MFAP5: variants seen among roughly 807,000 people sequenced by gnomAD.
MFAP5 encodes the protein microfibril associated protein 5.
A neutral mutation model predicts 30.1 loss-of-function variants in MFAP5; 19 were observed. The observed-to-expected ratio is 0.63, with a 90% CI of 0.44 to 0.93. The LOEUF (loss-of-function observed/expected upper bound fraction) is 0.93. MFAP5 is among the 40% of genes least tolerant of loss of function. MFAP5 has a pLI of 0.00. For missense variants in MFAP5, 210 were observed against 221.3 expected, an observed-to-expected ratio of 0.95 and a Z score of 0.32; for synonymous variants, 92 against 72.9, an observed-to-expected ratio of 1.26 and a Z score of -1.33.
At position 8,651,696 on chromosome 12, in the gene MFAP5, A is replaced by G. The variant is rs1211661011; in HGVS notation, c.218-5T>C. The G allele has an allele frequency of 6.2e-7, 1 of 1,613,596 alleles. No individual in the cohort carries two copies. The highest frequency in any genetic ancestry group is 1.7e-5 in the Admixed American group (1 of 60,018). On this transcript the variant is annotated splice_polypyrimidine_tract_variant and splice_region_variant and intron_variant, in intron 6 of 9. Coordinates refer to ENST00000359478, the MANE Select transcript of MFAP5 (RefSeq NM_003480.4). ...TATTTTTTTCACTGAGGGAGGCTGA[A>G]AGGCAGAAATTTTATTCCACTGTTA... is the stretch of plus-strand genomic sequence containing the variant.
chr12:8,654,126 C>CA (rs61055144), intron 6 of MFAP5: 6,455 of 113,224 alleles, frequency 0.057, 5 homozygotes, highest in Middle Eastern at 0.13. Flanking sequence ...TAATCCGTCT[C>CA]AAAAAAAAAA....
chr12:8,648,799 T>C (rs1941753874), intron 9 of MFAP5, among the ~76,000 whole-genome samples: 7 of 152,212 alleles, frequency 4.6e-5, no homozygotes, highest in Admixed American at 4.6e-4. Flanking sequence ...CAAAGCGGGC[T>C]GCTGAGTCAG....
rs751902968 is a variant in MFAP5, at chr12:8,662,114, G to A, written c.-2-8C>T. ...GTCCCAAGAGCGACATATCTATAGGGGTGGTGGGCATAGCAGAGAATGTGA... is the reference window on the plus strand; with the variant it reads ...GTCCCAAGAGCGACATATCTATAGGAGTGGTGGGCATAGCAGAGAATGTGA... On this transcript the variant is annotated splice_polypyrimidine_tract_variant and splice_region_variant and intron_variant, in intron 1 of 9. Coordinates refer to ENST00000359478, the MANE Select transcript of MFAP5 (RefSeq NM_003480.4). The A allele has an allele frequency of 1.2e-6, 2 of 1,612,722 alleles. No homozygotes were observed. Among genetic ancestry groups the A allele is most frequent in the African/African-American group, 2.7e-5 (2 of 74,886 alleles).
At chr12:8,651,760 G>T (rs747162477) in intron 6 of MFAP5, 69 bp from the exon 7 acceptor site, 1 of 1,422,762 alleles carries the variant, frequency 7.0e-7, no homozygotes, top group Non-Finnish European at 9.9e-7. Flanking sequence ...CTGCCACACT[G>T]CCTCACTTAG....
chr12:8,650,619 A>G, intron 7 of MFAP5, 30 bp from the exon 8 acceptor site: 1 of 1,575,368 alleles, frequency 6.3e-7, no homozygotes. Context: ...AAAAATAAGG[A>G]GGTCCAAATA....
chr12:8,654,082 C>T (rs957621592), intron 6 of MFAP5, among the ~76,000 whole-genome samples: 10 of 149,580 alleles, frequency 6.7e-5, no homozygotes, highest in Admixed American at 5.4e-4. Context: ...GCGGAGATCG[C>T]GCCATTGCAC....
chr12:8,658,117 G>A (rs1565527752), intron 3 of MFAP5, among the ~76,000 whole-genome samples: 1 of 152,166 alleles, frequency 6.6e-6, no homozygotes, highest in African/African-American at 2.4e-5. Flanking sequence ...GGGAGGCCAA[G>A]GCATGCGTAT....
intron 5 of MFAP5, 82 bp from the exon 6 acceptor site, chr12:8,654,563 T>C: frequency 2.5e-6 from 3 of 1,207,948 alleles, no homozygotes; most frequent in Non-Finnish European, 3.6e-6. Flanking sequence ...AGAATGGAGA[T>C]ACCGTGGCAG....
At chr12:8,651,772 A>G in intron 6 of MFAP5, 81 bp from the exon 7 acceptor site, 1 of 1,319,768 alleles carries the variant, frequency 7.6e-7, no homozygotes, top group South Asian at 1.2e-5. Context: ...CTCACTTAGG[A>G]CCTGCTTGGA....
chr12:8,656,122 G>A (rs1396710974), intron 3 of MFAP5, among the ~76,000 whole-genome samples: 3 of 148,026 alleles, frequency 2.0e-5, no homozygotes, highest in East Asian at 2.0e-4. Context: ...GTGCAGGGGC[G>A]CGATCTCGGC....
intron 6 of MFAP5, chr12:8,654,213 T>C (rs1941919910): frequency 6.4e-6 from 3 of 471,154 alleles, no homozygotes; most frequent in Non-Finnish European, 7.5e-6. Flanking sequence ...TATCTTGCCT[T>C]TACCCATCAA....
chr12:8,655,823 C>A lies in MFAP5; in HGVS notation c.102G>T (p.Val34=). The A allele has an allele frequency of 6.2e-7, 1 of 1,607,460 alleles. No individual in the cohort carries two copies. The highest frequency in any genetic ancestry group is 1.1e-5 in the South Asian group (1 of 91,006). ...LGVNSQRGDD[V]TQATPETFTE... ...TGAATGTTTCTGGAGTCGCTTGAGT[C>A]ACATCGTCTGAAAAGAAAATTAGAA... is the stretch of plus-strand genomic sequence containing the variant. Residue 34 remains valine (V), a synonymous_variant, in exon 4 of 10, where the codon GTG becomes GTT. Coordinates refer to ENST00000359478, the MANE Select transcript of MFAP5 (RefSeq NM_003480.4).
In MFAP5 at chr12:8,660,885, C is replaced by A; in HGVS notation, c.72G>T (p.Leu24=). Residue 24 remains leucine (L), a synonymous_variant, in exon 3 of 10, where the codon CTG becomes CTT. Transcript: ENST00000359478. ...AFIITSDWIP[L]GVNSQRGDDV... Reference sequence around the variant, plus strand: ...TACCTCCTCGTTGACTATTGACCCCCAGGGGTATCCAGTCTATAGCAAAGG... The same window carrying A: ...TACCTCCTCGTTGACTATTGACCCCAAGGGGTATCCAGTCTATAGCAAAGG... The A allele has an allele frequency of 6.2e-7, 1 of 1,612,622 alleles. No individual in the cohort carries two copies. The highest frequency in any genetic ancestry group is 8.5e-7 in the Non-Finnish European group (1 of 1,178,814).
chr12:8,650,667 G>T, intron 7 of MFAP5, 78 bp from the exon 8 acceptor site: 2 of 1,235,122 alleles, frequency 1.6e-6, no homozygotes, highest in Non-Finnish European at 2.4e-6. Flanking sequence ...AATTGGGAAG[G>T]ATAGATAGAG....
At position 8,649,547 on chromosome 12, in the gene MFAP5, CT is replaced by C. The variant is rs1200781305; in HGVS notation, c.362del (p.Lys121ArgfsTer15). 6.2e-7 allele frequency: 1 copy of C among 1,613,946 alleles called. No homozygotes were observed. The highest frequency in any genetic ancestry group is 1.7e-5 in the Admixed American group (1 of 59,990). ...TSLRRMYIVN[K>X]EICSRLVCKE... ...TACAGACAAGACGAGAGCAGATCTC[CT>C]TGTTGACGATGTACATACGTCGTAA... On this transcript the variant is annotated frameshift_variant, in exon 9 of 10. Transcript: ENST00000359478. LOFTEE classifies it high-confidence loss of function.
rs778045825 is a variant in MFAP5, at chr12:8,647,937, G to A, written c.*154C>T. 1 of 527,032 alleles carries A rather than the reference G, an allele frequency of 1.9e-6. No homozygotes were observed. Among genetic ancestry groups the A allele is most frequent in the Non-Finnish European group, 3.4e-6 (1 of 292,270 alleles). 32.6% of individuals were successfully genotyped at this position (527,032 alleles called of 1,614,324 possible). A position where few individuals can be genotyped will look rare whatever the true frequency, so the allele number is the denominator to read the frequency against. On this transcript the variant is annotated 3_prime_UTR_variant, in exon 10 of 10. Transcript: ENST00000359478. Reference sequence around the variant, plus strand: ...AAATGAGATAAATGTTATCAGTTTGGGTGAAAAAGTAGAGAGTAGGGGTAA... The same window carrying A: ...AAATGAGATAAATGTTATCAGTTTGAGTGAAAAAGTAGAGAGTAGGGGTAA...
intron 9 of MFAP5, chr12:8,648,567 A>G (rs1941745557): frequency 7.9e-7 from 1 of 1,262,952 alleles, no homozygotes. Flanking sequence ...TATTAAATAG[A>G]AAAATGAGAT....
chr12:8,650,656 G>T, intron 7 of MFAP5, 67 bp from the exon 8 acceptor site: 1 of 1,354,688 alleles, frequency 7.4e-7, no homozygotes, highest in Admixed American at 1.7e-5. Flanking sequence ...AGGATTGAAG[G>T]AATTGGGAAG....
chr12:8,662,082 A>G lies in MFAP5; in HGVS notation c.23T>C (p.Val8Ala). 6.2e-7 allele frequency: 1 copy of G among 1,613,792 alleles called. No individual in the cohort carries two copies. The highest frequency in any genetic ancestry group is 8.5e-7 in the Non-Finnish European group (1 of 1,180,014). The change falls in exon 2 of 10, where the codon GTG (valine) becomes GCG (alanine). Residue 8 changes from valine (V) to alanine (A), a missense_variant. By Grantham distance (64) the Val-to-Ala change is moderately conservative (BLOSUM62 0). Coordinates refer to ENST00000359478, the MANE Select transcript of MFAP5 (RefSeq NM_003480.4). MSLLGPKVLLFLAAFIIT... is the reference protein window; with the variant it reads MSLLGPKALLFLAAFIIT... ...GATGAATGCAGCAAGAAACAGCAGC[A>G]CCTTGGGTCCCAAGAGCGACATATC...
Sources: allele counts gnomAD v4.1 joint callset (sites outside exome capture counted in the v4.1 genomes callset), GRCh38; gene constraint gnomAD v4.1.1; transcripts MANE v1.5; gene names NCBI Gene and HGNC (gene_info 2026-07-23, HGNC 2026-07-21).